Variants in NBDY observed in about 807,000 individuals in gnomAD.
NBDY encodes the protein P-body dissociating protein.
At chrX:56,755,915 G>C (rs1345131086) in intron 2 of NBDY, among the ~76,000 whole-genome samples, 123 of 103,547 alleles carry the variant, frequency 1.2e-3, no homozygotes, top group Non-Finnish European at 1.9e-3. Context: ...TGATAGACTG[G>C]ATTAAGAAAA....
chrX:56,738,385 G>T (rs1475544067), intron 2 of NBDY, among the ~76,000 whole-genome samples: 1 of 111,915 alleles, frequency 8.9e-6, no homozygotes, highest in Non-Finnish European at 1.9e-5. Flanking sequence ...AAACAATTCT[G>T]CAGTGGACAC....
chrX:56,734,739 A>G (rs760437796), intron 2 of NBDY, among the ~76,000 whole-genome samples: 1 of 111,958 alleles, frequency 8.9e-6, no homozygotes, highest in Non-Finnish European at 1.9e-5. Context: ...TAGAAGGAAG[A>G]GAGGGGACCT....
intron 2 of NBDY, among the ~76,000 whole-genome samples, chrX:56,785,401 A>G (rs1186598802): frequency 7.2e-5 from 8 of 110,709 alleles, no homozygotes; most frequent in Admixed American, 9.6e-5. Context: ...TCCCATCTTC[A>G]TCTGTGCTTC....
intron 2 of NBDY, among the ~76,000 whole-genome samples, chrX:56,802,414 C>A (rs2069827860): frequency 9.0e-6 from 1 of 110,857 alleles, no homozygotes; most frequent in Non-Finnish European, 1.9e-5. Flanking sequence ...CCCTAAGCCA[C>A]CCTCATGTCA....
chrX:56,740,396 A>G lies in NBDY; in HGVS notation c.*166+8197A>G, dbSNP rs537705214. Among the ~76,000 whole-genome samples, 21 of 111,991 alleles carry G rather than the reference A, an allele frequency of 1.9e-4. No homozygotes were observed. The South Asian group carries it at 7.7e-3, about 41-fold the overall frequency. On this transcript the variant is annotated intron_variant, in intron 2 of 2. Coordinates refer to ENST00000374922, the MANE Select transcript of NBDY (RefSeq NM_001348129.2). ...AAACTTGCTTTATGTCCTAGAGAAC[A>G]TGATCAACTAGTGTTTTATGTGTGC...
At position 56,818,464 on chromosome X, in the gene NBDY, A is replaced by G. The variant is rs1051261078; in HGVS notation, c.*1311A>G. ...TATAGACAGTTATTTTAAAGATTGT[A>G]TAATATTACTAATCACACATTAGAG... is the stretch of plus-strand genomic sequence containing the variant. On this transcript the variant is annotated 3_prime_UTR_variant, in exon 3 of 3. Transcript: ENST00000374922. 5 of 112,062 alleles carry G rather than the reference A, an allele frequency of 4.5e-5. No homozygotes were observed. The highest frequency in any genetic ancestry group is 9.4e-5 in the Non-Finnish European group (5 of 53,191). The allele number at this position is 112,062 out of a possible 1,213,427, so 9.2% of individuals were successfully genotyped here.
At chrX:56,745,657 C>A (rs993438312) in intron 2 of NBDY, among the ~76,000 whole-genome samples, 2 of 111,170 alleles carry the variant, frequency 1.8e-5, no homozygotes, top group African/African-American at 6.5e-5. Context: ...GGTCCAGGAT[C>A]CAGTCAGGGG....
At chrX:56,810,003 T>C (rs1206577068) in intron 2 of NBDY, among the ~76,000 whole-genome samples, 1 of 111,801 alleles carries the variant, frequency 8.9e-6, no homozygotes, top group Non-Finnish European at 1.9e-5. Flanking sequence ...ATTTCTCCTT[T>C]GCCTATGAAA....
At chrX:56,747,417 T>C (rs2069563053) in intron 2 of NBDY, among the ~76,000 whole-genome samples, 1 of 111,480 alleles carries the variant, frequency 9.0e-6, no homozygotes, top group South Asian at 3.7e-4. Context: ...TAAGGATGGA[T>C]GATTGTAGAT....
rs887626335 is a variant in NBDY, at chrX:56,729,248, A to T, written c.-106A>T. On this transcript the variant is annotated 5_prime_UTR_variant, in exon 1 of 3. Transcript: ENST00000374922. ...ACAGGAAATACGGTAAGAGCGAAAC[A>T]GGAGGAAGCCAGCTCTGTGCCTGGA... 6 of 292,056 alleles carry T rather than the reference A, an allele frequency of 2.1e-5. No homozygotes were observed. The highest frequency in any genetic ancestry group is 3.0e-5 in the Non-Finnish European group (5 of 168,353). The allele number at this position is 292,056 out of a possible 1,213,427, so 24.1% of individuals were successfully genotyped here. A position where few individuals can be genotyped will look rare whatever the true frequency, so the allele number is the denominator to read the frequency against.
chrX:56,763,854 T>C (rs1452707549), intron 2 of NBDY, among the ~76,000 whole-genome samples: 1 of 112,542 alleles, frequency 8.9e-6, no homozygotes, highest in Non-Finnish European at 1.9e-5. Flanking sequence ...TTTACCTTTT[T>C]TCACATGGGA....
chrX:56,749,663 T>C (rs1015251125), intron 2 of NBDY, among the ~76,000 whole-genome samples: 8 of 108,744 alleles, frequency 7.4e-5, no homozygotes, highest in Non-Finnish European at 1.3e-4. Context: ...CCTTTTTTTT[T>C]TTTTTTGAGA....
rs1336732429 is a variant in NBDY, at chrX:56,803,802, A to G, written c.*167-13518A>G. On this transcript the variant is annotated intron_variant, in intron 2 of 2. Transcript: ENST00000374922. Reference sequence around the variant, plus strand: ...CTTTTCTCTTTCTCCTTTTGCTTCCAACAAAACAAAACAAAACAAAAAGAA... The same window carrying G: ...CTTTTCTCTTTCTCCTTTTGCTTCCGACAAAACAAAACAAAACAAAAAGAA... 3.6e-5 allele frequency among the ~76,000 whole-genome samples: 4 copies of G among 111,646 alleles called. No individual in the cohort carries two copies. In the Admixed American group the frequency reaches 3.8e-4, roughly 11 times the overall value.
rs2069915708 is a variant in NBDY, at chrX:56,817,421, C to G, written c.*268C>G. ...GACCTCTGAGATTTAAGGCCATGCCCTGGATCATGGTGAACTTACCAAAGC... is the reference window on the plus strand; with the variant it reads ...GACCTCTGAGATTTAAGGCCATGCCGTGGATCATGGTGAACTTACCAAAGC... On this transcript the variant is annotated 3_prime_UTR_variant, in exon 3 of 3. Coordinates refer to ENST00000374922, the MANE Select transcript of NBDY (RefSeq NM_001348129.2). 8.9e-6 allele frequency: 1 copy of G among 111,988 alleles called. No homozygotes were observed. The highest frequency in any genetic ancestry group is 3.2e-5 in the African/African-American group (1 of 30,813). The allele number at this position is 111,988 out of a possible 1,213,427, so 9.2% of individuals were successfully genotyped here. A position where few individuals can be genotyped will look rare whatever the true frequency, so the allele number is the denominator to read the frequency against.
At chrX:56,743,032 G>A (rs1378195993) in intron 2 of NBDY, among the ~76,000 whole-genome samples, 2 of 110,818 alleles carry the variant, frequency 1.8e-5, no homozygotes, top group Non-Finnish European at 3.8e-5. Context: ...TTATCATGAC[G>A]GCATGTTGAA....
intron 2 of NBDY, among the ~76,000 whole-genome samples, chrX:56,793,374 T>C (rs2069774398): frequency 8.9e-6 from 1 of 111,937 alleles, no homozygotes; most frequent in African/African-American, 3.3e-5. Flanking sequence ...AAAGGCTGGC[T>C]GCCTCTACAG....
intron 2 of NBDY, among the ~76,000 whole-genome samples, chrX:56,796,175 G>A (rs894129630): frequency 3.4e-4 from 38 of 112,029 alleles, no homozygotes; most frequent in African/African-American, 1.1e-3. Context: ...TGGGGGCAGC[G>A]GGGAGCAGGG....
intron 2 of NBDY, among the ~76,000 whole-genome samples, chrX:56,786,811 T>G (rs2069731693): frequency 9.0e-6 from 1 of 111,150 alleles, no homozygotes; most frequent in African/African-American, 3.3e-5. Context: ...TGTGTGATGT[T>G]CCTCTGCAAC....
intron 2 of NBDY, among the ~76,000 whole-genome samples, chrX:56,815,653 A>G (rs190243441): frequency 8.9e-6 from 1 of 112,144 alleles, no homozygotes; most frequent in African/African-American, 3.2e-5. Flanking sequence ...GTTCATTTTG[A>G]GAATTACTAT....
Sources: gnomAD v4.1 joint callset for allele counts (sites outside exome capture counted in the v4.1 genomes callset) on GRCh38, gnomAD v4.1.1 for gene constraint, MANE v1.5 for transcripts, NCBI Gene and HGNC (gene_info 2026-07-23, HGNC 2026-07-21) for gene names.